TRMT11: variants seen among roughly 807,000 people sequenced by gnomAD.
TRMT11 encodes tRNA (guanine(10)-N(2))-methyltransferase TRMT11.
TRMT11 carries 53 observed loss-of-function variants against 62.8 expected under a neutral mutation model. That is an observed-to-expected ratio of 0.84 (90% CI 0.68 to 1.06). The LOEUF is 1.06. Ranked by LOEUF, TRMT11 falls within the 50% of genes least tolerant of loss-of-function variation. The probability of loss-of-function intolerance (pLI) is 0.00; values close to 1 mark genes in which losing one functional copy is unlikely to be tolerated. For synonymous variants in TRMT11, 188 were observed against 190.3 expected (o/e 0.99, Z 0.10); for missense variants, 556 against 553.4 (o/e 1.00, Z -0.05).
At chr6:126,208,468 C>T (rs76039691), downstream of TRMT11, among the ~76,000 whole-genome samples, 5,830 of 152,018 alleles carry the variant, frequency 0.038, 333 homozygotes, top group African/African-American at 0.13. Context: ...AAAGAGATGG[C>T]TCTTATTTAA....
chr6:126,046,641 C>A (rs1446553875), intron 16 of TRMT11, among the ~76,000 whole-genome samples: 1 of 152,152 alleles, frequency 6.6e-6, no homozygotes, highest in Non-Finnish European at 1.5e-5. Flanking sequence ...ACTTGTATGG[C>A]TGTGTTGAAT....
At chr6:126,001,367 C>CT (rs936613390) in intron 7 of TRMT11, among the ~76,000 whole-genome samples, 1 of 151,852 alleles carries the variant, frequency 6.6e-6, no homozygotes, top group African/African-American at 2.4e-5. Context: ...TTTCTCTTCC[C>CT]TTTATTTTTT....
chr6:126,012,868 A>G lies in TRMT11; in HGVS notation c.1007+16A>G, dbSNP rs1457327619. The G allele has an allele frequency of 1.2e-6, 2 of 1,611,534 alleles. No individual in the cohort carries two copies. The highest frequency in any genetic ancestry group is 1.7e-6 in the Non-Finnish European group (2 of 1,177,852). On this transcript the variant is annotated intron_variant, in intron 10 of 12. Coordinates refer to ENST00000334379, the MANE Select transcript of TRMT11 (RefSeq NM_001031712.3). ...GGGAAAAATGGTAAGTGAAATTTAA[A>G]TATGATGTGTTACTACCTTGAGAAG...
At chr6:126,099,880 G>T (rs2128176822) in intron 17 of TRMT11, among the ~76,000 whole-genome samples, 1 of 152,322 alleles carries the variant, frequency 6.6e-6, no homozygotes, top group Non-Finnish European at 1.5e-5. Flanking sequence ...GAGAAGAAGT[G>T]GTTGTGGGTC....
At chr6:126,093,879 G>A (rs1027450990) in intron 17 of TRMT11, among the ~76,000 whole-genome samples, 1 of 151,614 alleles carries the variant, frequency 6.6e-6, no homozygotes, top group Admixed American at 6.6e-5. Flanking sequence ...CTAAATACTA[G>A]CAATGAATAA....
At chr6:126,160,425 G>C (rs1329089343) in intron 21 of TRMT11, among the ~76,000 whole-genome samples, 2 of 151,790 alleles carry the variant, frequency 1.3e-5, no homozygotes, top group Non-Finnish European at 2.9e-5. Context: ...TTACGTGAAA[G>C]AAGAGTCACC....
At chr6:126,125,069 C>T (rs1777699528) in intron 21 of TRMT11, among the ~76,000 whole-genome samples, 2 of 152,158 alleles carry the variant, frequency 1.3e-5, no homozygotes, top group Non-Finnish European at 1.5e-5. Flanking sequence ...TGTGACAATT[C>T]CTGAGCTTTT....
chr6:126,232,845 G>C, the TRMT11 span, among the ~76,000 whole-genome samples: 4 of 152,130 alleles, frequency 2.6e-5, no homozygotes, highest in African/African-American at 9.7e-5. Flanking sequence ...CCCTTTCTTG[G>C]AAAGTTTCTA....
the TRMT11 span, among the ~76,000 whole-genome samples, chr6:126,245,141 A>T: frequency 3.3e-5 from 5 of 152,086 alleles, no homozygotes; most frequent in Non-Finnish European, 7.4e-5. Context: ...CATTGGGAGG[A>T]TATGTGAGCA....
chr6:126,003,896 G>A (rs1792928840), intron 7 of TRMT11, among the ~76,000 whole-genome samples: 1 of 151,986 alleles, frequency 6.6e-6, no homozygotes, highest in Non-Finnish European at 1.5e-5. Context: ...CCACACTCAA[G>A]TTATAGAGGA....
At chr6:126,154,526 G>A (rs1011556137) in intron 21 of TRMT11, among the ~76,000 whole-genome samples, 9 of 152,236 alleles carry the variant, frequency 5.9e-5, no homozygotes, top group Non-Finnish European at 1.2e-4. Context: ...TACTCTTGAG[G>A]TTCTGTTATG....
chr6:126,238,796 A>G, the TRMT11 span, among the ~76,000 whole-genome samples: 7 of 152,200 alleles, frequency 4.6e-5, no homozygotes, highest in East Asian at 5.8e-4. Context: ...GATCTATCCA[A>G]TGTTGACAGT....
At chr6:126,148,287 C>T (rs1057423469) in intron 21 of TRMT11, among the ~76,000 whole-genome samples, 2 of 152,172 alleles carry the variant, frequency 1.3e-5, no homozygotes, top group Admixed American at 6.5e-5. Context: ...CCGAGCATAT[C>T]AACCCAATGC....
intron 8 of TRMT11, chr6:126,008,837 A>AC (rs11444009): frequency 0.69 from 267,590 of 385,042 alleles, 94,904 homozygotes; most frequent in East Asian, 0.95. Context: ...GGGCACCCCA[A>AC]CCCCATGTTG....
intron 17 of TRMT11, among the ~76,000 whole-genome samples, chr6:126,064,139 G>T (rs1312578989): frequency 6.6e-6 from 1 of 152,018 alleles, no homozygotes; most frequent in African/African-American, 2.4e-5. Flanking sequence ...CTGGGGGAGG[G>T]AGGGAGAAGA....
intron 17 of TRMT11, among the ~76,000 whole-genome samples, chr6:126,109,353 A>G (rs1176665613): frequency 6.6e-6 from 1 of 152,086 alleles, no homozygotes; most frequent in Non-Finnish European, 1.5e-5. Flanking sequence ...TTTCATTTTG[A>G]CATTTTTAGA....
At chr6:126,109,373 T>A (rs933269635) in intron 17 of TRMT11, among the ~76,000 whole-genome samples, 7 of 152,198 alleles carry the variant, frequency 4.6e-5, no homozygotes, top group Non-Finnish European at 1.0e-4. Flanking sequence ...AAAGGGTATA[T>A]AGGTCAACTG....
At chr6:126,071,620 C>T (rs910068672) in intron 17 of TRMT11, among the ~76,000 whole-genome samples, 6 of 150,268 alleles carry the variant, frequency 4.0e-5, no homozygotes, top group African/African-American at 9.8e-5. Flanking sequence ...TAAGCTGGCA[C>T]GATGATCAGC....
At chr6:126,140,159 T>G (rs1485554127) in intron 21 of TRMT11, among the ~76,000 whole-genome samples, 2 of 152,126 alleles carry the variant, frequency 1.3e-5, no homozygotes, top group Admixed American at 1.3e-4. Context: ...TTTTGTCTTT[T>G]GTCTTTTAAT....
Sources: allele counts gnomAD v4.1 joint callset (sites outside exome capture counted in the v4.1 genomes callset), GRCh38; gene constraint gnomAD v4.1.1; transcripts MANE v1.5; gene names NCBI Gene and HGNC (gene_info 2026-07-23, HGNC 2026-07-21).